The following PRTG variants were observed in gnomAD, a reference collection of about 807,000 sequenced individuals.
PRTG encodes protogenin, also known as immunoglobulin superfamily, DCC subclass, member 5.
A neutral mutation model predicts 122.5 loss-of-function variants in PRTG; 67 were observed. The observed-to-expected ratio is 0.55, with a 90% CI of 0.45 to 0.67. PRTG has a LOEUF of 0.67. Ranked by LOEUF, PRTG falls within the 30% of genes least tolerant of loss-of-function variation. The probability of loss-of-function intolerance (pLI) is 0.00; values close to 1 mark genes in which losing one functional copy is unlikely to be tolerated. For missense variants in PRTG, 1,435 were observed against 1,415.4 expected (o/e 1.01, Z -0.22); for synonymous variants, 554 against 501.1 (o/e 1.11, Z -1.41).
chr15:55,683,477 C>T (rs2059552719), intron 3 of PRTG, among the ~76,000 whole-genome samples: 3 of 152,134 alleles, frequency 2.0e-5, no homozygotes, highest in African/African-American at 7.2e-5. Context: ...CCCTTCCCAG[C>T]AATGAGAGTG....
chr15:55,667,869 T>C (rs937233476), intron 11 of PRTG, among the ~76,000 whole-genome samples: 2 of 152,156 alleles, frequency 1.3e-5, no homozygotes, highest in African/African-American at 4.8e-5. Context: ...GTGGATGGCT[T>C]GAGTCCAGGA....
Position 55,631,261 on chromosome 15 carries a change from T to G in PRTG, c.2624-2257A>C, listed in dbSNP as rs183409615. Among the ~76,000 whole-genome samples, 646 of 152,320 alleles carry G rather than the reference T, an allele frequency of 4.2e-3. 2 individuals carry two copies. Among genetic ancestry groups the G allele is most frequent in the Non-Finnish European group, 7.4e-3 (504 of 68,022 alleles). ...AAAAAAACAAAGATGTATTGTGACA[T>G]GTTACACTTAGCTGAAAGGAAGAAC... On this transcript the variant is annotated intron_variant, in intron 15 of 19. Coordinates refer to ENST00000389286, the MANE Select transcript of PRTG (RefSeq NM_173814.6).
At chr15:55,677,666 T>C (rs2059510467) in intron 8 of PRTG, 131 bp downstream of exon 8, 1 of 758,816 alleles carries the variant, frequency 1.3e-6, no homozygotes, top group South Asian at 1.9e-5. Flanking sequence ...TGATAGATTA[T>C]TTTATCAAAG....
chr15:55,681,499 T>C (rs1397076866), intron 4 of PRTG: 2 of 152,116 alleles, frequency 1.3e-5, no homozygotes, highest in African/African-American at 4.8e-5. Flanking sequence ...TCTCTCTAGT[T>C]TCCCTTCTAC....
At chr15:55,741,436 A>AG (rs1413330613) in intron 1 of PRTG, among the ~76,000 whole-genome samples, 1 of 152,242 alleles carries the variant, frequency 6.6e-6, no homozygotes, top group Non-Finnish European at 1.5e-5. Flanking sequence ...ACTGTCTAAT[A>AG]GGGATAGGAG....
rs867334629 is a variant in PRTG at position 55,665,544 on chromosome 15, T to A, written c.2041+6901A>T. ...TTTAATCTTTCAGTGGTTAAAAAAA[T>A]TTTTTCTTTTTTTTTTTTTGAGACA... On this transcript the variant is annotated intron_variant, in intron 11 of 19. Transcript: ENST00000389286. Among the ~76,000 whole-genome samples the A allele has an allele frequency of 4.3e-4, 65 of 150,280 alleles. 1 individual carries two copies. Among genetic ancestry groups the A allele is most frequent in the South Asian group, 1.7e-3 (8 of 4,734 alleles).
chr15:55,679,365 C>A lies in PRTG; in HGVS notation c.1054G>T (p.Gly352Ter). The A allele has an allele frequency of 6.2e-7, 1 of 1,613,404 alleles. No homozygotes were observed. Among genetic ancestry groups the A allele is most frequent in the Non-Finnish European group, 8.5e-7 (1 of 1,179,464 alleles). ...GTARFVCQAE[G>*]IPSPKMSWLK... The stretch of plus-strand genomic sequence containing the variant: ...CATGACATCTTGGGAGAGGGGATTC[C>A]TTCTGCCTGACACACAAATCGAGCA... The change falls in exon 7 of 20, where the codon GGA (glycine) becomes TGA (stop). Residue 352 changes from glycine to a stop codon, truncating the protein, a stop_gained. Transcript: ENST00000389286. LOFTEE classifies it high-confidence loss of function.
intron 2 of PRTG, among the ~76,000 whole-genome samples, chr15:55,688,737 G>A (rs1299258397): frequency 2.0e-5 from 3 of 152,190 alleles, no homozygotes; most frequent in Non-Finnish European, 4.4e-5. Flanking sequence ...GGGAGGCTGA[G>A]GCAGGAGAAT....
chr15:55,675,821 A>C (rs1216823596), intron 8 of PRTG, 138 bp from the exon 9 acceptor site: 2 of 485,756 alleles, frequency 4.1e-6, no homozygotes, highest in African/African-American at 3.8e-5. Flanking sequence ...CAAAATGTGA[A>C]CAGGAAGGTC....
At chr15:55,734,381 G>GA (rs1230592746) in intron 2 of PRTG, among the ~76,000 whole-genome samples, 1 of 151,262 alleles carries the variant, frequency 6.6e-6, no homozygotes, top group Non-Finnish European at 1.5e-5. Flanking sequence ...AACATTAAGG[G>GA]AAAAAAAAGC....
At chr15:55,698,699 T>C (rs1164647889) in intron 2 of PRTG, among the ~76,000 whole-genome samples, 2 of 152,158 alleles carry the variant, frequency 1.3e-5, no homozygotes, top group African/African-American at 4.8e-5. Flanking sequence ...ATTTTACCTT[T>C]AGAGAAGAAA....
intron 18 of PRTG, among the ~76,000 whole-genome samples, chr15:55,622,637 C>A (rs1327681329): frequency 2.6e-5 from 4 of 151,832 alleles, no homozygotes. Context: ...GTGATCCGCC[C>A]GCCTTGGTCT....
At chr15:55,659,260 C>T (rs1413897843) in intron 11 of PRTG, among the ~76,000 whole-genome samples, 1 of 152,182 alleles carries the variant, frequency 6.6e-6, no homozygotes, top group Non-Finnish European at 1.5e-5. Context: ...AGGGAACCCT[C>T]GTGGGATCAC....
intron 11 of PRTG, among the ~76,000 whole-genome samples, chr15:55,651,628 G>GA (rs2059353683): frequency 6.6e-6 from 1 of 152,070 alleles, no homozygotes; most frequent in Non-Finnish European, 1.5e-5. Flanking sequence ...AAATGCATAA[G>GA]AAAAAACAAT....
chr15:55,724,784 G>T (rs1404965609), intron 2 of PRTG, among the ~76,000 whole-genome samples: 1 of 151,350 alleles, frequency 6.6e-6, no homozygotes, highest in Non-Finnish European at 1.5e-5. Flanking sequence ...AAAATAAAAA[G>T]AAAACCAAGT....
chr15:55,733,979 TCTA>T (rs2031326878), intron 2 of PRTG, among the ~76,000 whole-genome samples: 1 of 152,200 alleles, frequency 6.6e-6, no homozygotes, highest in Non-Finnish European at 1.5e-5. Flanking sequence ...TGGAAAGTGT[TCTA>T]CTACTTTCGG....
intron 2 of PRTG, among the ~76,000 whole-genome samples, chr15:55,716,485 G>A (rs536707507): frequency 3.9e-4 from 59 of 152,216 alleles, no homozygotes; most frequent in African/African-American, 1.4e-3. Flanking sequence ...AGAAGTCATC[G>A]GAAAGGTTTT....
intron 11 of PRTG, among the ~76,000 whole-genome samples, chr15:55,646,022 T>C (rs2059320665): frequency 6.6e-6 from 1 of 152,120 alleles, no homozygotes; most frequent in African/African-American, 2.4e-5. Flanking sequence ...TTTTTTATTT[T>C]TTTGAGACAG....
chr15:55,692,001 C>T (rs1233347615), intron 2 of PRTG, among the ~76,000 whole-genome samples: 1 of 150,474 alleles, frequency 6.6e-6, no homozygotes, highest in Non-Finnish European at 1.5e-5. Flanking sequence ...CACACCACTG[C>T]ACTCCAGCCT....
Sources: allele counts gnomAD v4.1 joint callset (sites outside exome capture counted in the v4.1 genomes callset), GRCh38; gene constraint gnomAD v4.1.1; transcripts MANE v1.5; gene names NCBI Gene and HGNC (gene_info 2026-07-23, HGNC 2026-07-21).